The following COLEC10 variants were observed in gnomAD, a reference collection of about 807,000 sequenced individuals.
COLEC10 encodes collectin-10.
A neutral mutation model predicts 28.4 loss-of-function variants in COLEC10; 22 were observed. The ratio of observed to expected loss-of-function variants is 0.78; its 90% CI spans 0.55 to 1.11. COLEC10 has a LOEUF of 1.11. COLEC10 is among the 50% of genes least tolerant of loss of function. COLEC10 has a pLI of 0.00. For missense variants in COLEC10, 361 were observed against 344.1 expected, an observed-to-expected ratio of 1.05 and a Z score of -0.39; for synonymous variants, 125 against 116.1, an observed-to-expected ratio of 1.08 and a Z score of -0.49.
the COLEC10 span, among the ~76,000 whole-genome samples, chr8:118,974,052 C>A: frequency 2.8e-4 from 43 of 151,902 alleles, no homozygotes; most frequent in East Asian, 8.4e-3. Context: ...CATTTATGGT[C>A]GGCCTTTCAT....
intron 1 of COLEC10, among the ~76,000 whole-genome samples, chr8:119,080,850 A>G (rs1220633239): frequency 6.6e-6 from 1 of 152,130 alleles, no homozygotes; most frequent in Non-Finnish European, 1.5e-5. Flanking sequence ...TACATACACA[A>G]ATATAATACT....
intron 1 of COLEC10, among the ~76,000 whole-genome samples, chr8:119,080,100 A>G (rs1815339924): frequency 6.6e-6 from 1 of 152,170 alleles, no homozygotes; most frequent in South Asian, 2.1e-4. Flanking sequence ...GTTAAAAGCC[A>G]AGTCTCCTGA....
At chr8:119,095,089 G>A (rs1184974757) in intron 3 of COLEC10, among the ~76,000 whole-genome samples, 5 of 152,110 alleles carry the variant, frequency 3.3e-5, no homozygotes, top group Non-Finnish European at 5.9e-5. Flanking sequence ...TGCATACCTA[G>A]TACAAAATAA....
the COLEC10 span, among the ~76,000 whole-genome samples, chr8:118,957,634 G>A: frequency 6.6e-6 from 1 of 152,198 alleles, no homozygotes; most frequent in Non-Finnish European, 1.5e-5. Flanking sequence ...TTAAATGTGA[G>A]CGAAGTCATT....
chr8:118,979,459 C>T, the COLEC10 span, among the ~76,000 whole-genome samples: 2 of 151,034 alleles, frequency 1.3e-5, no homozygotes, highest in Non-Finnish European at 1.5e-5. Context: ...GTAAGGTAAA[C>T]AATAATAATA....
In COLEC10 at chr8:119,075,604, G is replaced by A. The variant is rs367584279; in HGVS notation, c.148+8175G>A. Among the ~76,000 whole-genome samples, 7 of 152,212 alleles carry A rather than the reference G, an allele frequency of 4.6e-5. No individual in the cohort carries two copies. The East Asian group carries it at 9.6e-4, about 21-fold the overall frequency. ...TGTTAAACAAATTATATGAACAGGAGTCATTCTTTAGAATTTACAAAGGTT... is the reference window on the plus strand; with the variant it reads ...TGTTAAACAAATTATATGAACAGGAATCATTCTTTAGAATTTACAAAGGTT... On this transcript the variant is annotated intron_variant, in intron 1 of 5. Coordinates refer to ENST00000332843, the MANE Select transcript of COLEC10 (RefSeq NM_006438.5).
At chr8:118,955,351 CTCACTTTCTGATGAAGAAAGATG>C in the COLEC10 span, among the ~76,000 whole-genome samples, 1 of 152,146 alleles carries the variant, frequency 6.6e-6, no homozygotes, top group Non-Finnish European at 1.5e-5. Context: ...ATCTAGCTGA[CTCACTTTCTGATGAAGAAAGATG>C]TCACTTTCTG....
At chr8:119,025,985 T>C (rs1257539595) in intron 2 of COLEC10, among the ~76,000 whole-genome samples, 1 of 152,188 alleles carries the variant, frequency 6.6e-6, no homozygotes, top group Non-Finnish European at 1.5e-5. Flanking sequence ...TTGAACTCTT[T>C]TTAGTTTTCT....
chr8:119,032,326 A>G (rs139221119), intron 2 of COLEC10, among the ~76,000 whole-genome samples: 7 of 152,304 alleles, frequency 4.6e-5, no homozygotes, highest in Admixed American at 3.9e-4. Flanking sequence ...GTTTTTGTGC[A>G]TTACGAAGTG....
At chr8:119,082,696 A>G (rs1234111986) in intron 1 of COLEC10, among the ~76,000 whole-genome samples, 1 of 152,204 alleles carries the variant, frequency 6.6e-6, no homozygotes, top group East Asian at 1.9e-4. Flanking sequence ...ACAGAAGACA[A>G]AAATCCACAT....
At chr8:119,023,236 TTATTA>T (rs1349791765) in intron 2 of COLEC10, among the ~76,000 whole-genome samples, 6 of 152,146 alleles carry the variant, frequency 3.9e-5, no homozygotes, top group Non-Finnish European at 7.4e-5. Context: ...ATTTACTTAT[TTATTA>T]TATTTACTAT....
intron 1 of COLEC10, among the ~76,000 whole-genome samples, chr8:119,085,298 A>G (rs1179798752): frequency 6.6e-6 from 1 of 152,188 alleles, no homozygotes; most frequent in East Asian, 1.9e-4. Flanking sequence ...AGCAGGTCCC[A>G]ATGAGGCCTG....
chr8:118,952,503 C>T, the COLEC10 span, among the ~76,000 whole-genome samples: 272 of 152,364 alleles, frequency 1.8e-3, 1 homozygote, highest in African/African-American at 6.5e-3. Context: ...AATCATTCAT[C>T]TTCAAGTTTA....
chr8:119,057,746 G>A (rs1365850193), intron 2 of COLEC10, among the ~76,000 whole-genome samples: 1 of 151,964 alleles, frequency 6.6e-6, no homozygotes, highest in Non-Finnish European at 1.5e-5. Context: ...ATCATTATAT[G>A]CCTATACAAT....
At chr8:119,007,658 A>C (rs2130077190) in intron 1 of COLEC10, among the ~76,000 whole-genome samples, 1 of 151,272 alleles carries the variant, frequency 6.6e-6, no homozygotes, top group East Asian at 1.9e-4. Context: ...GGGAAGTCAA[A>C]GGACTTGCCC....
At chr8:118,968,498 T>C in the COLEC10 span, among the ~76,000 whole-genome samples, 1 of 151,984 alleles carries the variant, frequency 6.6e-6, no homozygotes, top group East Asian at 1.9e-4. Context: ...CCAGGCACTT[T>C]CCATAGTCTC....
At chr8:119,051,501 G>A (rs1337263715) in intron 2 of COLEC10, among the ~76,000 whole-genome samples, 1 of 152,124 alleles carries the variant, frequency 6.6e-6, no homozygotes, top group Non-Finnish European at 1.5e-5. Context: ...TCCTGCCTGG[G>A]GGACCAAAGT....
intron 2 of COLEC10, among the ~76,000 whole-genome samples, chr8:119,019,749 G>C (rs1213361669): frequency 2.6e-5 from 4 of 152,016 alleles, no homozygotes; most frequent in Admixed American, 2.6e-4. Context: ...AATCCACTAG[G>C]GCAGGAATTG....
the COLEC10 span, among the ~76,000 whole-genome samples, chr8:118,983,998 G>A: frequency 6.7e-6 from 1 of 148,862 alleles, no homozygotes; most frequent in African/African-American, 2.6e-5. Context: ...ATATTCAAAG[G>A]AATATAAATT....
Sources: gnomAD v4.1 joint callset for allele counts (sites outside exome capture counted in the v4.1 genomes callset) on GRCh38, gnomAD v4.1.1 for gene constraint, MANE v1.5 for transcripts, NCBI Gene and HGNC (gene_info 2026-07-23, HGNC 2026-07-21) for gene names.